The following TP53BP2 variants were observed in gnomAD, a reference collection of about 807,000 sequenced individuals.
The protein encoded by TP53BP2 is apoptosis-stimulating of p53 protein 2.
In TP53BP2, 62 loss-of-function variants were observed where a neutral mutation model predicts 126.2. That is an observed-to-expected ratio of 0.49 (90% CI 0.40 to 0.61). TP53BP2 has a LOEUF of 0.61. TP53BP2 is among the 20% of genes least tolerant of loss of function. The pLI is 0.00. For synonymous variants in TP53BP2, 485 were observed against 502.9 expected (o/e 0.96, Z 0.48); for missense variants, 1,215 against 1,402.8 (o/e 0.87, Z 2.14).
chr1:223,789,206 T>C, intron 15 of TP53BP2, 32 bp from the exon 16 acceptor site: 2 of 1,609,696 alleles, frequency 1.2e-6, no homozygotes, highest in South Asian at 2.2e-5. Context: ...CTAGAACTGT[T>C]TTCCTAAACT....
At position 223,792,420 on chromosome 1, in the gene TP53BP2, C is replaced by T. The variant is rs2102839499; in HGVS notation, c.2965G>A (p.Val989Ile). 2 of 1,612,772 alleles carry T rather than the reference C, an allele frequency of 1.2e-6. No individual in the cohort carries two copies. Among genetic ancestry groups the T allele is most frequent in the Non-Finnish European group, 8.5e-7 (1 of 1,179,416 alleles). ...EIVKFLVQFG[V>I]NVNAADSDGW... is the part of the protein sequence containing the mutation. ...TCACTATCAGCAGCATTTACATTTACACCAAACTGTACCAGGAACTTAACG... is the reference window on the plus strand; with the variant it reads ...TCACTATCAGCAGCATTTACATTTATACCAAACTGTACCAGGAACTTAACG... Residue 989 changes from valine to isoleucine, a missense_variant, in exon 15 of 18, where the codon GTA (valine) becomes ATA (isoleucine). This residue lies in a region of TP53BP2 where 151 missense variants were observed against 231.2 expected (regional missense o/e 0.65). Transcript: ENST00000343537.
intron 1 of TP53BP2, among the ~76,000 whole-genome samples, chr1:223,830,656 A>T (rs989916791): frequency 2.0e-5 from 3 of 152,232 alleles, no homozygotes; most frequent in Admixed American, 6.5e-5. Context: ...AAAAGTCTTT[A>T]AACAGGGAAA....
intron 11 of TP53BP2, among the ~76,000 whole-genome samples, chr1:223,799,189 G>A (rs943321243): frequency 2.0e-5 from 3 of 151,888 alleles, no homozygotes; most frequent in South Asian, 4.2e-4. Context: ...GGCTGGTCTC[G>A]AACTCCTAGT....
chr1:223,801,331 C>T (rs1662520357), intron 9 of TP53BP2, among the ~76,000 whole-genome samples: 1 of 152,192 alleles, frequency 6.6e-6, no homozygotes, highest in African/African-American at 2.4e-5. Flanking sequence ...ACAATAAAAT[C>T]CAGACTGCAT....
At chr1:223,806,181 T>C (rs1011675247) in intron 5 of TP53BP2, among the ~76,000 whole-genome samples, 1 of 152,210 alleles carries the variant, frequency 6.6e-6, no homozygotes, top group African/African-American at 2.4e-5. Flanking sequence ...GGTATGGTTA[T>C]ACCATGTTAG....
At position 223,796,509 on chromosome 1, in the gene TP53BP2, G is replaced by A; in HGVS notation, c.2030C>T (p.Pro677Leu). The A allele has an allele frequency of 6.2e-7, 1 of 1,614,078 alleles. No individual in the cohort carries two copies. The highest frequency in any genetic ancestry group is 1.7e-5 in the Admixed American group (1 of 60,014). Reference protein sequence around the residue: ...ENIYSNSQGKPGSPEPETEPV... With the variant: ...ENIYSNSQGKLGSPEPETEPV... ...CTCTGTTTCAGGTTCTGGACTGCCA[G>A]GCTTGCCCTGGCTATTGGAATAAAT... Residue 677 changes from proline to leucine, a missense_variant, in exon 13 of 18, where the codon CCT becomes CTT. Physicochemically the swap from Pro to Leu is moderately conservative, Grantham distance 98. Coordinates refer to ENST00000343537, the MANE Select transcript of TP53BP2 (RefSeq NM_001031685.3). The surrounding 1 kb of genome is among the most constrained non-coding windows in gnomAD (Gnocchi z 4.2).
intron 11 of TP53BP2, 33 bp downstream of exon 11, chr1:223,799,866 T>C: frequency 3.2e-6 from 5 of 1,543,058 alleles, no homozygotes; most frequent in Non-Finnish European, 4.3e-6. Flanking sequence ...AGAATTACTA[T>C]TAAATTTTAA....
intron 10 of TP53BP2, 52 bp downstream of exon 10, chr1:223,800,648 C>A: frequency 7.6e-7 from 1 of 1,322,848 alleles, no homozygotes; most frequent in Non-Finnish European, 1.1e-6. Context: ...ATACACAGCA[C>A]CTTTCAGATG....
intron 16 of TP53BP2, among the ~76,000 whole-genome samples, chr1:223,785,994 AGGAAGGAGGGAGGGAAGGAG>A (rs563933453): frequency 3.7e-4 from 57 of 152,262 alleles, no homozygotes; most frequent in African/African-American, 1.3e-3. Context: ...GTGGAAGGAA[AGGAAGGAGGGAGGGAAGGAG>A]GGAAGGAGGG....
chr1:223,813,470 C>A (rs1365512080), intron 3 of TP53BP2, among the ~76,000 whole-genome samples: 1 of 152,130 alleles, frequency 6.6e-6, no homozygotes, highest in African/African-American at 2.4e-5. Flanking sequence ...TTAACTCTGT[C>A]TACTCTTTCC....
Position 223,796,655 on chromosome 1 carries a change from G to C in TP53BP2, c.1949-65C>G. The C allele has an allele frequency of 2.1e-6, 3 of 1,443,098 alleles. No individual in the cohort carries two copies. Among genetic ancestry groups the C allele is most frequent in the South Asian group, 1.4e-5 (1 of 71,152 alleles). The allele number at this position is 1,443,098 out of a possible 1,614,324, so 89.4% of individuals were successfully genotyped here. The stretch of plus-strand genomic sequence containing the variant: ...AATTAAACAAAACTGGCAAGAAACA[G>C]AAACAGCTAACAATAACTAAAGCCT... On this transcript the variant is annotated intron_variant, in intron 12 of 17. Transcript: ENST00000343537. The surrounding 1 kb of genome is among the most constrained non-coding windows in gnomAD (Gnocchi z 4.2).
intron 11 of TP53BP2, 57 bp downstream of exon 11, chr1:223,799,842 A>G: frequency 6.7e-7 from 1 of 1,489,886 alleles, no homozygotes; most frequent in South Asian, 1.4e-5. Context: ...TATCCCTTCT[A>G]AAAACTGCAT....
In TP53BP2 at chr1:223,810,430, C is replaced by A; in HGVS notation, c.372+1G>T. The A allele has an allele frequency of 6.2e-7, 1 of 1,604,758 alleles. No individual in the cohort carries two copies. ...CAGTATGGATAAAAACAACAACTTA[C>A]ACCGTTCTCCTTTCTTCGATATTCA... On this transcript the variant is annotated splice_donor_variant, in intron 4 of 17. Transcript: ENST00000343537. LOFTEE classifies it high-confidence loss of function.
chr1:223,825,425 G>C, intron 1 of TP53BP2, among the ~76,000 whole-genome samples: 1 of 152,206 alleles, frequency 6.6e-6, no homozygotes, highest in East Asian at 1.9e-4. Context: ...ACGGTGCCAA[G>C]TGTGTCACTG....
Position 223,802,308 on chromosome 1 carries a change from A to G in TP53BP2, c.1033T>C (p.Ser345Pro). ...ACTGCAGCCACACGGCTTGGGGCTGACGCGGCTTGCTGGGGAAGATTTCCA... is the reference window on the plus strand; with the variant it reads ...ACTGCAGCCACACGGCTTGGGGCTGGCGCGGCTTGCTGGGGAAGATTTCCA... ...SDGNLPQQAA[S>P]APSRVAAVGP... The change falls in exon 9 of 18, where the codon TCA (serine) becomes CCA (proline). Residue 345 changes from serine to proline, a missense_variant. Ser to Pro is a moderately conservative substitution (Grantham distance 74, BLOSUM62 -1). Around this residue, in one of 4 missense-constraint regions of TP53BP2, gnomAD observed 814 missense variants for 853.0 expected, o/e 0.95. Transcript: ENST00000343537. The G allele has an allele frequency of 1.2e-6, 2 of 1,614,224 alleles. No homozygotes were observed. The highest frequency in any genetic ancestry group is 8.5e-7 in the Non-Finnish European group (1 of 1,180,022).
At chr1:223,832,040 G>C (rs558420017) in intron 1 of TP53BP2, among the ~76,000 whole-genome samples, 7 of 151,876 alleles carry the variant, frequency 4.6e-5, no homozygotes, top group African/African-American at 1.7e-4. Context: ...ACTTTTCTAA[G>C]AGGAAATACA....
intron 16 of TP53BP2, among the ~76,000 whole-genome samples, chr1:223,788,069 T>TA (rs992574527): frequency 2.2e-5 from 3 of 133,666 alleles, no homozygotes; most frequent in African/African-American, 3.3e-5. Context: ...ACCTCGCCTC[T>TA]AAAAAAATAA....
Position 223,831,852 on chromosome 1 carries a change from T to C in TP53BP2, c.28-10485A>G, listed in dbSNP as rs1663745933. On this transcript the variant is annotated intron_variant, in intron 1 of 17. Transcript: ENST00000343537. ...CATGTCAGTCATATCTAGATGAAGATGTGCCCTTCCAAAAATTCAAAGTCA... is the reference window on the plus strand; with the variant it reads ...CATGTCAGTCATATCTAGATGAAGACGTGCCCTTCCAAAAATTCAAAGTCA... 2.6e-5 allele frequency among the ~76,000 whole-genome samples: 4 copies of C among 151,592 alleles called. No homozygotes were observed. The South Asian group carries it at 8.3e-4, about 32-fold the overall frequency.
chr1:223,826,050 A>T (rs1476222010), intron 1 of TP53BP2: 1 of 152,246 alleles, frequency 6.6e-6, no homozygotes, highest in Non-Finnish European at 1.5e-5. Flanking sequence ...TGAGCAACCG[A>T]GCAACCATCT....
Sources: gnomAD v4.1 joint callset for allele counts (sites outside exome capture counted in the v4.1 genomes callset) on GRCh38, gnomAD v4.1.1 for gene constraint, gnomAD v4.1.1 regional missense constraint, Gnocchi (gnomAD v3.1) non-coding constraint, MANE v1.5 for transcripts, NCBI Gene and HGNC (gene_info 2026-07-23, HGNC 2026-07-21) for gene names.